ADK: variants seen among roughly 807,000 people sequenced by gnomAD.
The protein encoded by ADK is adenosine kinase, also known as N6,N6-dimethyladenosine kinase.
A neutral mutation model predicts 44.7 loss-of-function variants in ADK; 24 were observed. The observed-to-expected ratio is 0.54, with a 90% CI of 0.39 to 0.76. ADK has a LOEUF of 0.76. Ranked by LOEUF, ADK falls within the 30% of genes least tolerant of loss-of-function variation. The probability of loss-of-function intolerance (pLI) is 0.00; values close to 1 mark genes in which losing one functional copy is unlikely to be tolerated. For synonymous variants in ADK, 128 were observed against 142.6 expected (o/e 0.90, Z 0.73); for missense variants, 321 against 425.1 (o/e 0.76, Z 2.15).
rs1282565148 is a variant in ADK, at chr10:74,303,585, G to GTTTTTTTTTTTTTT, written c.195-11080_195-11079insTTTTTTTTTTTTTT. Among the ~76,000 whole-genome samples the GTTTTTTTTTTTTTT allele has an allele frequency of 6.0e-3, 385 of 64,628 alleles. 107 individuals carry two copies. Among genetic ancestry groups the GTTTTTTTTTTTTTT allele is most frequent in the Non-Finnish European group, 7.5e-3 (306 of 40,780 alleles). The allele number at this position is 64,628 out of a possible 152,430, so 42.4% of individuals were successfully genotyped here. On this transcript the variant is annotated intron_variant, in intron 3 of 10. Transcript: ENST00000539909. The stretch of plus-strand genomic sequence containing the variant: ...AAACACTTTTCATATTGGTTTTAAT[G>GTTTTTTTTTTTTTT]TTGTTTTTTTTTTTTTTTTTTTTTT...
At chr10:74,192,216 TTC>T (rs535300317) in intron 1 of ADK, among the ~76,000 whole-genome samples, 306 of 152,148 alleles carry the variant, frequency 2.0e-3, no homozygotes, top group African/African-American at 6.9e-3. Flanking sequence ...CCATTTTTTT[TTC>T]TTTTTCTTTC....
At chr10:74,188,083 C>T (rs1249711278) in intron 1 of ADK, among the ~76,000 whole-genome samples, 2 of 152,142 alleles carry the variant, frequency 1.3e-5, no homozygotes, top group Non-Finnish European at 2.9e-5. Context: ...CATTCAGGTT[C>T]TTCACTTTTT....
chr10:74,203,347 ATG>A (rs1469918873), intron 2 of ADK, among the ~76,000 whole-genome samples: 34 of 151,334 alleles, frequency 2.2e-4, no homozygotes, highest in Admixed American at 2.2e-3. Flanking sequence ...GTTTTTGTGT[ATG>A]TGTGTTTTGT....
chr10:74,155,524 T>TG (rs1307645120), intron 1 of ADK, among the ~76,000 whole-genome samples: 3 of 152,058 alleles, frequency 2.0e-5, no homozygotes, highest in African/African-American at 7.2e-5. Context: ...ATATATATTT[T>TG]TTTGTTTGTT....
chr10:74,521,876 C>T (rs1219871456), intron 6 of ADK, among the ~76,000 whole-genome samples: 1 of 152,110 alleles, frequency 6.6e-6, no homozygotes, highest in Non-Finnish European at 1.5e-5. Context: ...TCTTAGAACA[C>T]TTGAATATTG....
intron 6 of ADK, among the ~76,000 whole-genome samples, chr10:74,464,799 G>A (rs1438181818): frequency 6.6e-6 from 1 of 151,906 alleles, no homozygotes; most frequent in Non-Finnish European, 1.5e-5. Flanking sequence ...AGTGAGCTAT[G>A]ATCATGCCAC....
At chr10:74,501,888 G>A (rs897370208) in intron 6 of ADK, among the ~76,000 whole-genome samples, 15 of 152,052 alleles carry the variant, frequency 9.9e-5, no homozygotes, top group Non-Finnish European at 1.5e-5. Context: ...GGGAAGATAG[G>A]GTTTCTTCTT....
chr10:74,243,015 C>G (rs773301056), intron 3 of ADK, among the ~76,000 whole-genome samples: 49 of 152,356 alleles, frequency 3.2e-4, no homozygotes, highest in Non-Finnish European at 1.2e-4. Flanking sequence ...GACAAGAACT[C>G]AGAACCCACG....
chr10:74,438,159 A>G (rs2133119285), intron 6 of ADK, among the ~76,000 whole-genome samples: 1 of 151,430 alleles, frequency 6.6e-6, no homozygotes, highest in Admixed American at 6.6e-5. Flanking sequence ...AGTTATCTCC[A>G]TTTGTAATTA....
At chr10:74,508,897 GAT>G (rs909483105) in intron 6 of ADK, among the ~76,000 whole-genome samples, 4 of 151,998 alleles carry the variant, frequency 2.6e-5, no homozygotes, top group African/African-American at 9.7e-5. Flanking sequence ...TGTCTGATTT[GAT>G]ATATATGTTT....
chr10:74,703,918 T>G (rs957952785), intron 10 of ADK, among the ~76,000 whole-genome samples: 1 of 152,244 alleles, frequency 6.6e-6, no homozygotes, highest in African/African-American at 2.4e-5. Flanking sequence ...ATTGTGCACC[T>G]GGGTAGATGA....
chr10:74,215,699 T>C (rs1843986971), intron 2 of ADK, among the ~76,000 whole-genome samples: 1 of 145,344 alleles, frequency 6.9e-6, no homozygotes, highest in East Asian at 2.0e-4. Context: ...AGAGTCTTGC[T>C]CTGTCACCCA....
At chr10:74,205,776 C>T (rs1370615096) in intron 2 of ADK, among the ~76,000 whole-genome samples, 1 of 148,422 alleles carries the variant, frequency 6.7e-6, no homozygotes, top group Non-Finnish European at 1.5e-5. Context: ...TCTCAATAGA[C>T]AAAGAAAAAC....
intron 6 of ADK, among the ~76,000 whole-genome samples, chr10:74,432,116 C>T (rs1845021857): frequency 6.6e-6 from 1 of 151,998 alleles, no homozygotes. Context: ...ATCCCTTGAG[C>T]CCAGGAGGTC....
At chr10:74,486,060 T>G (rs1465978240) in intron 6 of ADK, among the ~76,000 whole-genome samples, 1 of 152,190 alleles carries the variant, frequency 6.6e-6, no homozygotes, top group African/African-American at 2.4e-5. Flanking sequence ...AATCTCATCT[T>G]GAATTGTAAT....
intron 9 of ADK, among the ~76,000 whole-genome samples, chr10:74,637,660 A>G (rs899266791): frequency 5.3e-5 from 8 of 152,138 alleles, no homozygotes; most frequent in African/African-American, 1.9e-4. Context: ...CTAGAAAGTA[A>G]CCTCTGTTGT....
chr10:74,294,841 G>C (rs1351722459), intron 3 of ADK, among the ~76,000 whole-genome samples: 5 of 152,000 alleles, frequency 3.3e-5, no homozygotes, highest in Middle Eastern at 3.2e-3. Context: ...GGGTGTTTAA[G>C]AATATTTTAT....
chr10:74,314,113 AT>A (rs570928615), intron 3 of ADK, among the ~76,000 whole-genome samples: 1 of 151,980 alleles, frequency 6.6e-6, no homozygotes, highest in Admixed American at 6.6e-5. Flanking sequence ...CATAAAACAT[AT>A]TTTTTGACGT....
intron 3 of ADK, among the ~76,000 whole-genome samples, chr10:74,310,573 T>G (rs1243599229): frequency 6.6e-6 from 1 of 152,158 alleles, no homozygotes; most frequent in African/African-American, 2.4e-5. Context: ...TATCCTGTCT[T>G]TCGTATGAGC....
Sources: gnomAD v4.1 joint callset for allele counts (sites outside exome capture counted in the v4.1 genomes callset) on GRCh38, gnomAD v4.1.1 for gene constraint, MANE v1.5 for transcripts, NCBI Gene and HGNC (gene_info 2026-07-23, HGNC 2026-07-21) for gene names.